Variants in TANGO6 observed in about 807,000 individuals in gnomAD.
The protein encoded by TANGO6 is transport and Golgi organization protein 6 homolog.
A neutral mutation model predicts 114.2 loss-of-function variants in TANGO6; 90 were observed. That is an observed-to-expected ratio of 0.79 (90% CI 0.66 to 0.94). The LOEUF (loss-of-function observed/expected upper bound fraction) is 0.94, where lower values mean the gene tolerates loss of function less well. TANGO6 is among the 40% of genes least tolerant of loss of function. The pLI is 0.00. For missense variants in TANGO6, 1,274 were observed against 1,315.3 expected, an observed-to-expected ratio of 0.97 and a Z score of 0.49; for synonymous variants, 477 against 509.8, an observed-to-expected ratio of 0.94 and a Z score of 0.87.
intron 8 of TANGO6, 134 bp downstream of exon 8, chr16:68,900,680 A>C: frequency 1.3e-6 from 1 of 754,866 alleles, no homozygotes; most frequent in South Asian, 1.9e-5. Context: ...AAACACTGGG[A>C]TCTTCCTATT....
intron 14 of TANGO6, among the ~76,000 whole-genome samples, chr16:68,963,580 T>G (rs1034979850): frequency 1.3e-5 from 2 of 152,244 alleles, no homozygotes; most frequent in Non-Finnish European, 2.9e-5. Context: ...ACCTACTCAC[T>G]TTCTACATGT....
intron 12 of TANGO6, 43 bp from the exon 13 acceptor site, chr16:68,927,525 G>C (rs369456891): frequency 6.3e-7 from 1 of 1,590,150 alleles, no homozygotes; most frequent in African/African-American, 1.3e-5. Flanking sequence ...ATTGAAATTT[G>C]CTATGTTAAT....
intron 11 of TANGO6, among the ~76,000 whole-genome samples, chr16:68,913,157 A>C (rs28736384): frequency 0.17 from 25,257 of 151,452 alleles, 2,154 homozygotes; most frequent in African/African-American, 0.21. Context: ...CTTCCACCCA[A>C]TGGGTTCAAG....
intron 17 of TANGO6, 89 bp downstream of exon 17, chr16:69,040,510 C>G (rs1959756010): frequency 5.6e-6 from 6 of 1,068,426 alleles, no homozygotes; most frequent in Non-Finnish European, 8.3e-6. Context: ...GGCCTCAAAC[C>G]TCTTTCCTCG....
chr16:68,994,556 A>G (rs1963973785), intron 15 of TANGO6, among the ~76,000 whole-genome samples: 1 of 150,450 alleles, frequency 6.6e-6, no homozygotes, highest in South Asian at 2.1e-4. Context: ...GCAGCCTCCT[A>G]TTGTGTGGCC....
intron 14 of TANGO6, among the ~76,000 whole-genome samples, chr16:68,958,120 A>G (rs1963551751): frequency 1.3e-5 from 2 of 151,446 alleles, no homozygotes; most frequent in Admixed American, 1.3e-4. Context: ...GTAGCGAGCC[A>G]AGACTGCGCC....
intron 17 of TANGO6, among the ~76,000 whole-genome samples, chr16:69,070,186 C>T (rs1355090016): frequency 2.7e-5 from 4 of 150,344 alleles, no homozygotes; most frequent in Non-Finnish European, 5.9e-5. Context: ...CCAGCCTCGG[C>T]GATAGAGCGA....
At chr16:68,871,081 G>A (rs192018269) in intron 4 of TANGO6, among the ~76,000 whole-genome samples, 46 of 151,862 alleles carry the variant, frequency 3.0e-4, no homozygotes, top group South Asian at 8.3e-4. Context: ...GTGAGCCACC[G>A]CACCCGGCCT....
chr16:69,061,335 C>T (rs1316018289), intron 17 of TANGO6, among the ~76,000 whole-genome samples: 1 of 152,056 alleles, frequency 6.6e-6, no homozygotes, highest in African/African-American at 2.4e-5. Context: ...GAGGGCGAGG[C>T]AGGTGGATCA....
At chr16:68,909,175 T>C in intron 10 of TANGO6, 36 bp from the exon 11 acceptor site, 1 of 1,436,620 alleles carries the variant, frequency 7.0e-7, no homozygotes, top group African/African-American at 1.4e-5. Context: ...TTGTACTGGC[T>C]TTATCTTCAC....
chr16:68,925,968 G>A (rs1963161839), intron 12 of TANGO6, among the ~76,000 whole-genome samples: 1 of 147,368 alleles, frequency 6.8e-6, no homozygotes, highest in Admixed American at 6.8e-5. Flanking sequence ...TCAAAGTTCA[G>A]TTGACTCTAT....
chr16:68,850,610 GT>G (rs1961886647), intron 1 of TANGO6, among the ~76,000 whole-genome samples: 1 of 152,190 alleles, frequency 6.6e-6, no homozygotes, highest in South Asian at 2.1e-4. Context: ...TTAATATAGA[GT>G]AGGAGTTAGT....
At chr16:68,969,088 C>G (rs1963678390) in intron 14 of TANGO6, among the ~76,000 whole-genome samples, 1 of 152,184 alleles carries the variant, frequency 6.6e-6, no homozygotes, top group Non-Finnish European at 1.5e-5. Context: ...TTCTCTATAT[C>G]TCATCTGTTG....
At chr16:69,039,854 C>G (rs1362159262) in intron 16 of TANGO6, among the ~76,000 whole-genome samples, 2 of 152,176 alleles carry the variant, frequency 1.3e-5, no homozygotes, top group African/African-American at 4.8e-5. Flanking sequence ...ATGGTACATT[C>G]ACATTCATGC....
intron 17 of TANGO6, among the ~76,000 whole-genome samples, chr16:69,046,159 TGTCCAGGA>T (rs1226687085): frequency 1.3e-5 from 2 of 151,766 alleles, no homozygotes; most frequent in African/African-American, 4.8e-5. Context: ...ACATTCATAA[TGTCCAGGA>T]TACAACTCAT....
At chr16:68,975,724 A>G (rs1963759336) in intron 15 of TANGO6, among the ~76,000 whole-genome samples, 2 of 149,492 alleles carry the variant, frequency 1.3e-5, no homozygotes. Flanking sequence ...TGCCCAGTTA[A>G]TTTTCTATTT....
chr16:69,082,054 G>T (rs1960473020), intron 17 of TANGO6, among the ~76,000 whole-genome samples: 1 of 152,042 alleles, frequency 6.6e-6, no homozygotes, highest in Non-Finnish European at 1.5e-5. Flanking sequence ...GGCTCACTGG[G>T]CTCACTGCAA....
chr16:69,007,942 A>C (rs1003135182), intron 15 of TANGO6, among the ~76,000 whole-genome samples: 1 of 152,124 alleles, frequency 6.6e-6, no homozygotes, highest in East Asian at 1.9e-4. Context: ...GGACGTTCAT[A>C]TATCTTCTTT....
intron 4 of TANGO6, among the ~76,000 whole-genome samples, chr16:68,873,114 C>G (rs1205608232): frequency 6.6e-6 from 1 of 151,786 alleles, no homozygotes; most frequent in African/African-American, 2.4e-5. Context: ...AACCCTCCCC[C>G]CATGTCCCCC....
Sources: gnomAD v4.1 joint callset for allele counts (sites outside exome capture counted in the v4.1 genomes callset) on GRCh38, gnomAD v4.1.1 for gene constraint, MANE v1.5 for transcripts, NCBI Gene and HGNC (gene_info 2026-07-23, HGNC 2026-07-21) for gene names.